The following ST8SIA1 variants were observed in gnomAD, a reference collection of about 807,000 sequenced individuals.
The protein encoded by ST8SIA1 is alpha-N-acetylneuraminide alpha-2,8-sialyltransferase.
A neutral mutation model predicts 35.9 loss-of-function variants in ST8SIA1; 16 were observed. The observed-to-expected ratio is 0.45, with a 90% CI of 0.30 to 0.68. ST8SIA1 has a LOEUF of 0.68. Among genes scored for constraint, ST8SIA1 ranks in the 30% least tolerant of loss-of-function variants. ST8SIA1 has a pLI of 0.09. For missense variants in ST8SIA1, 383 were observed against 453.6 expected (o/e 0.84, Z 1.41); for synonymous variants, 170 against 169.6 (o/e 1.00, Z -0.02).
At chr12:22,300,517 T>TA (rs1866306041) in intron 1 of ST8SIA1, among the ~76,000 whole-genome samples, 1 of 152,180 alleles carries the variant, frequency 6.6e-6, no homozygotes, top group African/African-American at 2.4e-5. Context: ...AGAAAGGTTA[T>TA]AAAAGGCTTA....
intron 4 of ST8SIA1, among the ~76,000 whole-genome samples, chr12:22,242,829 TAAAACCACCTCTCTTCTGCCCA>T (rs1865555706): frequency 6.6e-6 from 1 of 152,122 alleles, no homozygotes; most frequent in Admixed American, 6.5e-5. Context: ...GCTGCCAGAT[TAAAACCACCTCTCTTCTGCCCA>T]TAAAAATTCA....
chr12:22,254,622 T>C (rs2135795856), intron 3 of ST8SIA1, among the ~76,000 whole-genome samples: 1 of 152,328 alleles, frequency 6.6e-6, no homozygotes, highest in East Asian at 1.9e-4. Flanking sequence ...CACCCAGCAG[T>C]GCAGGCTGCT....
intron 4 of ST8SIA1, among the ~76,000 whole-genome samples, chr12:22,218,489 G>A (rs1418702195): frequency 6.7e-6 from 1 of 150,240 alleles, no homozygotes; most frequent in Non-Finnish European, 1.5e-5. Flanking sequence ...ATGGTGGCGG[G>A]CACCCATAAT....
At chr12:22,210,260 T>C (rs1865162264) in intron 4 of ST8SIA1, among the ~76,000 whole-genome samples, 1 of 152,126 alleles carries the variant, frequency 6.6e-6, no homozygotes, top group Non-Finnish European at 1.5e-5. Flanking sequence ...TAGTTACATA[T>C]ACATATGTGG....
rs369384910 is a variant in ST8SIA1 at position 22,323,443 on chromosome 12, G to A, written c.236+10554C>T. ...TAGTTCAACCATTGTGGAAGACAGT[G>A]TGACAATTCCTCAAAGACCTAGAGG... is the stretch of plus-strand genomic sequence containing the variant. On this transcript the variant is annotated intron_variant, in intron 1 of 4. Coordinates refer to ENST00000396037, the MANE Select transcript of ST8SIA1 (RefSeq NM_003034.4). 5.0e-4 allele frequency among the ~76,000 whole-genome samples: 76 copies of A among 152,306 alleles called. 1 individual carries two copies. The highest frequency in any genetic ancestry group is 1.8e-3 in the African/African-American group (74 of 41,574).
At chr12:22,286,351 G>C (rs1866101191) in intron 2 of ST8SIA1, among the ~76,000 whole-genome samples, 1 of 152,128 alleles carries the variant, frequency 6.6e-6, no homozygotes, top group Non-Finnish European at 1.5e-5. Context: ...GCTATTAACA[G>C]AGACACATGA....
In ST8SIA1 at chr12:22,198,124, G is replaced by C. The variant is rs1344851915; in HGVS notation, c.*3428C>G. On this transcript the variant is annotated 3_prime_UTR_variant, in exon 5 of 5. Transcript: ENST00000396037. ...CTAATAAAAACTAAAATTCTATCAG[G>C]GTACTAGTTTTTAGTCTCTTCACCC... The C allele has an allele frequency of 6.6e-6, 1 of 151,956 alleles. No individual in the cohort carries two copies. The highest frequency in any genetic ancestry group is 1.5e-5 in the Non-Finnish European group (1 of 67,992). The allele number at this position is 151,956 out of a possible 1,614,324, so 9.4% of individuals were successfully genotyped here.
intron 4 of ST8SIA1, among the ~76,000 whole-genome samples, chr12:22,245,032 A>G (rs920597923): frequency 6.6e-6 from 1 of 152,124 alleles, no homozygotes; most frequent in Non-Finnish European, 1.5e-5. Context: ...ACATTGTCTT[A>G]ATTATAATAG....
Position 22,196,050 on chromosome 12 carries a change from CA to C in ST8SIA1, c.*5501del, listed in dbSNP as rs1251634009. Reference sequence around the variant, plus strand: ...CATTGATTATATCCCACAGCTTCAACAAGAAAAAAATTACCTGAAAGAATTT... The same window carrying C: ...CATTGATTATATCCCACAGCTTCAACAGAAAAAAATTACCTGAAAGAATTT... On this transcript the variant is annotated 3_prime_UTR_variant, in exon 5 of 5. Coordinates refer to ENST00000396037, the MANE Select transcript of ST8SIA1 (RefSeq NM_003034.4). 1 of 152,022 alleles carries C rather than the reference CA, an allele frequency of 6.6e-6. No individual in the cohort carries two copies. The highest frequency in any genetic ancestry group is 2.4e-5 in the African/African-American group (1 of 41,412). 9.4% of individuals were successfully genotyped at this position (152,022 alleles called of 1,614,324 possible). A position where few individuals can be genotyped will look rare whatever the true frequency, so the allele number is the denominator to read the frequency against.
At chr12:22,314,577 A>G (rs575063908) in intron 1 of ST8SIA1, among the ~76,000 whole-genome samples, 1 of 152,308 alleles carries the variant, frequency 6.6e-6, no homozygotes, top group East Asian at 1.9e-4. Context: ...ATTCCATGAT[A>G]TAGAGCAAGA....
At chr12:22,278,851 G>A (rs1034158707) in intron 2 of ST8SIA1, among the ~76,000 whole-genome samples, 1 of 152,086 alleles carries the variant, frequency 6.6e-6, no homozygotes, top group African/African-American at 2.4e-5. Flanking sequence ...CCCTCAAAAA[G>A]CACTTTTGTT....
At chr12:22,272,612 CAA>C (rs1282814950) in intron 2 of ST8SIA1, among the ~76,000 whole-genome samples, 9 of 152,216 alleles carry the variant, frequency 5.9e-5, no homozygotes, top group Non-Finnish European at 1.2e-4. Context: ...GACAGTATGT[CAA>C]TTTCAAAGAT....
intron 4 of ST8SIA1, among the ~76,000 whole-genome samples, chr12:22,206,012 A>C (rs987900890): frequency 3.3e-5 from 5 of 152,226 alleles, no homozygotes; most frequent in Non-Finnish European, 5.9e-5. Context: ...TGGACAATTA[A>C]TCTTGAAAGA....
chr12:22,297,584 G>A (rs1035110605), intron 1 of ST8SIA1, among the ~76,000 whole-genome samples: 3 of 152,052 alleles, frequency 2.0e-5, no homozygotes, highest in Admixed American at 2.0e-4. Context: ...TATTAACTGT[G>A]CCACCTGCTT....
chr12:22,322,990 T>G (rs1866621808), intron 1 of ST8SIA1, among the ~76,000 whole-genome samples: 1 of 152,238 alleles, frequency 6.6e-6, no homozygotes, highest in African/African-American at 2.4e-5. Context: ...AATCACAGTT[T>G]TATTTAATTG....
chr12:22,200,153 T>C lies in ST8SIA1; in HGVS notation c.*1399A>G, dbSNP rs903822930. On this transcript the variant is annotated 3_prime_UTR_variant, in exon 5 of 5. Coordinates refer to ENST00000396037, the MANE Select transcript of ST8SIA1 (RefSeq NM_003034.4). ...CAACAGCAAGCCCATTCATGAGATT[T>C]TGGGTAAAATCAGGATGAGTAAGAC... 1.3e-5 allele frequency: 2 copies of C among 152,222 alleles called. No homozygotes were observed. Among genetic ancestry groups the C allele is most frequent in the Non-Finnish European group, 1.5e-5 (1 of 68,048 alleles). 9.4% of individuals were successfully genotyped at this position (152,222 alleles called of 1,614,324 possible). A position where few individuals can be genotyped will look rare whatever the true frequency, so the allele number is the denominator to read the frequency against.
intron 2 of ST8SIA1, among the ~76,000 whole-genome samples, chr12:22,282,965 A>G (rs1866054926): frequency 6.6e-6 from 1 of 152,196 alleles, no homozygotes; most frequent in Non-Finnish European, 1.5e-5. Flanking sequence ...GAGCTCAGAG[A>G]ATTCTATTAA....
chr12:22,233,148 CG>C (rs1565573229), intron 4 of ST8SIA1, among the ~76,000 whole-genome samples: 1 of 151,876 alleles, frequency 6.6e-6, no homozygotes, highest in African/African-American at 2.4e-5. Context: ...AAATATGAGG[CG>C]AGGAAGACGA....
At chr12:22,247,353 A>G (rs1865618539) in intron 4 of ST8SIA1, among the ~76,000 whole-genome samples, 1 of 152,140 alleles carries the variant, frequency 6.6e-6, no homozygotes, top group Non-Finnish European at 1.5e-5. Flanking sequence ...CAAAGATGTC[A>G]CCTTTGGGGG....
Sources: gnomAD v4.1 joint callset for allele counts (sites outside exome capture counted in the v4.1 genomes callset) on GRCh38, gnomAD v4.1.1 for gene constraint, MANE v1.5 for transcripts, NCBI Gene and HGNC (gene_info 2026-07-23, HGNC 2026-07-21) for gene names.